Variants in ANXA2 observed in about 807,000 individuals in gnomAD.
The protein encoded by ANXA2 is annexin II.
Under a neutral mutation model 47.3 loss-of-function variants are expected in ANXA2, and 28 were observed. The ratio of observed to expected loss-of-function variants is 0.59; its 90% CI spans 0.44 to 0.81. The LOEUF (loss-of-function observed/expected upper bound fraction) is 0.81, where lower values mean the gene tolerates loss of function less well. Among genes scored for constraint, ANXA2 ranks in the 40% least tolerant of loss-of-function variants. The probability of loss-of-function intolerance (pLI) is 0.00; values close to 1 mark genes in which losing one functional copy is unlikely to be tolerated. For synonymous variants in ANXA2, 172 were observed against 155.5 expected (o/e 1.11, Z -0.79); for missense variants, 384 against 414.3 (o/e 0.93, Z 0.64).
At chr15:60,387,120 T>A (rs745531992) in intron 1 of ANXA2, 2 of 152,192 alleles carry the variant, frequency 1.3e-5, no homozygotes, top group Non-Finnish European at 2.9e-5. Context: ...TGCTAACTTA[T>A]AGGAACATTT....
At chr15:60,366,804 G>A (rs1268115876) in intron 3 of ANXA2, among the ~76,000 whole-genome samples, 1 of 40,012 alleles carries the variant, frequency 2.5e-5, no homozygotes, top group African/African-American at 9.0e-5. Flanking sequence ...GAGGGAGGCG[G>A]GGGGGGGGGG....
rs376011513 is a variant in ANXA2 at position 60,361,447 on chromosome 15, ACAGCC to A, written c.244-398_244-394del. On this transcript the variant is annotated intron_variant, in intron 4 of 12. Transcript: ENST00000451270. Reference sequence around the variant, plus strand: ...TGCTAAGAAGGAGATGTTTGAGCAGACAGCCTCCTGGCAAGCAGATCTTGTGGCCT... The same window carrying A: ...TGCTAAGAAGGAGATGTTTGAGCAGATCCTGGCAAGCAGATCTTGTGGCCT... 8.1e-3 allele frequency: 1,511 copies of A among 185,700 alleles called. 26 individuals carry two copies. The highest frequency in any genetic ancestry group is 0.033 in the African/African-American group (1,417 of 42,386). The allele number at this position is 185,700 out of a possible 1,614,324, so 11.5% of individuals were successfully genotyped here. A position where few individuals can be genotyped will look rare whatever the true frequency, so the allele number is the denominator to read the frequency against.
Position 60,368,719 on chromosome 15 carries a change from T to C in ANXA2, c.149-4196A>G, listed in dbSNP as rs538441949. ...GGATTATGTATAATCTTTCTTTTGA[T>C]TATCTGTACTTTCAAAGTTCACCAT... is the stretch of plus-strand genomic sequence containing the variant. On this transcript the variant is annotated intron_variant, in intron 3 of 12. Coordinates refer to ENST00000451270, the MANE Select transcript of ANXA2 (RefSeq NM_004039.3). Among the ~76,000 whole-genome samples, 6 of 152,242 alleles carry C rather than the reference T, an allele frequency of 3.9e-5. No homozygotes were observed. The South Asian group carries it at 1.2e-3, about 32-fold the overall frequency.
At position 60,351,706 on chromosome 15, in the gene ANXA2, G is replaced by A; in HGVS notation, c.778+18C>T. 1.3e-6 allele frequency: 2 copies of A among 1,520,150 alleles called. No homozygotes were observed. The highest frequency in any genetic ancestry group is 2.2e-5 in the South Asian group (2 of 89,086). The allele number at this position is 1,520,150 out of a possible 1,614,324, so 94.2% of individuals were successfully genotyped here. ...TGGTAGCTGATGTCTACCAGGAATGGGGGCCACATTCACTTACCCAGGTTC... is the reference window on the plus strand; with the variant it reads ...TGGTAGCTGATGTCTACCAGGAATGAGGGCCACATTCACTTACCCAGGTTC... On this transcript the variant is annotated intron_variant, in intron 10 of 12. Transcript: ENST00000451270.
At chr15:60,392,206 G>C (rs1221556549) in intron 1 of ANXA2, among the ~76,000 whole-genome samples, 1 of 152,164 alleles carries the variant, frequency 6.6e-6, no homozygotes, top group African/African-American at 2.4e-5. Flanking sequence ...AAATGAGACT[G>C]TGAATGCCTG....
intron 3 of ANXA2, among the ~76,000 whole-genome samples, chr15:60,381,924 C>A (rs1246694498): frequency 6.6e-6 from 1 of 151,854 alleles, no homozygotes; most frequent in Non-Finnish European, 1.5e-5. Flanking sequence ...AGATCCGGCT[C>A]CCAGACTGAT....
intron 3 of ANXA2, among the ~76,000 whole-genome samples, chr15:60,366,834 C>T (rs1595681243): frequency 9.1e-6 from 1 of 109,850 alleles, no homozygotes; most frequent in Non-Finnish European, 1.9e-5. Context: ...GCCGCCCCGT[C>T]CGGGAGGGAG....
chr15:60,385,878 C>A (rs941947433), intron 2 of ANXA2, 150 bp downstream of exon 2: 2 of 546,216 alleles, frequency 3.7e-6, no homozygotes, highest in African/African-American at 2.1e-5. Flanking sequence ...CTACTAGGAA[C>A]AGCTGAAGTA....
intron 3 of ANXA2, among the ~76,000 whole-genome samples, chr15:60,367,258 G>C (rs1208694043): frequency 3.1e-5 from 4 of 129,582 alleles, no homozygotes; most frequent in Non-Finnish European, 6.8e-5. Context: ...CCCCGTCCGG[G>C]AGGGAGGTGG....
Position 60,382,376 on chromosome 15 carries a change from A to G in ANXA2, c.114T>C (p.Asp38=). Residue 38 remains aspartate (D), a synonymous_variant, in exon 3 of 13, where the codon GAT becomes GAC. Transcript: ENST00000451270. ...KAYTNFDAER[D]ALNIETAIKT... ...TGATGGCTGTTTCAATGTTCAAAGC[A>G]TCCCGCTCAGCATCAAAGTTAGTAT... The G allele has an allele frequency of 1.2e-6, 2 of 1,614,038 alleles. No individual in the cohort carries two copies. The highest frequency in any genetic ancestry group is 1.7e-6 in the Non-Finnish European group (2 of 1,179,898).
At chr15:60,348,948 T>C (rs1218001195) in intron 12 of ANXA2, 127 bp downstream of exon 12, 1 of 1,047,012 alleles carries the variant, frequency 9.6e-7, no homozygotes, top group Admixed American at 2.2e-5. Flanking sequence ...AGTTGATGAC[T>C]AGCATCTCTT....
chr15:60,374,786 G>C (rs770698894), intron 3 of ANXA2: 35 of 438,984 alleles, frequency 8.0e-5, no homozygotes, highest in Middle Eastern at 7.7e-4. Flanking sequence ...CAGCACTGCT[G>C]TAAGATGAGA....
chr15:60,360,212 C>T (rs1566934619), intron 5 of ANXA2, among the ~76,000 whole-genome samples: 1 of 152,112 alleles, frequency 6.6e-6, no homozygotes, highest in South Asian at 2.1e-4. Context: ...ACTGAGATCG[C>T]GCCATTGCAC....
intron 1 of ANXA2, among the ~76,000 whole-genome samples, chr15:60,396,811 G>T (rs771666226): frequency 2.0e-5 from 3 of 152,146 alleles, no homozygotes; most frequent in South Asian, 2.1e-4. Context: ...ACAACTTAAG[G>T]TTCTTGGTAA....
intron 3 of ANXA2, among the ~76,000 whole-genome samples, chr15:60,375,160 A>T (rs1193672391): frequency 1.3e-5 from 2 of 152,142 alleles, no homozygotes; most frequent in African/African-American, 4.8e-5. Flanking sequence ...AAGCAGTTCT[A>T]TTTTAAAAGT....
chr15:60,364,312 C>T (rs777958286), intron 4 of ANXA2, 117 bp downstream of exon 4: 7 of 772,684 alleles, frequency 9.1e-6, no homozygotes, highest in African/African-American at 3.5e-5. Context: ...TCTTAGATAT[C>T]CAAGGGTCCC....
At chr15:60,360,125 G>A (rs892541187) in intron 5 of ANXA2, among the ~76,000 whole-genome samples, 6 of 152,258 alleles carry the variant, frequency 3.9e-5, no homozygotes, top group African/African-American at 7.2e-5. Flanking sequence ...GCGTAGTGGC[G>A]CATGCCTGTA....
At chr15:60,354,384 G>A (rs557144072) in intron 7 of ANXA2, among the ~76,000 whole-genome samples, 171 bp from the exon 8 acceptor site, 1 of 152,262 alleles carries the variant, frequency 6.6e-6, no homozygotes, top group East Asian at 1.9e-4. Flanking sequence ...GCTCACGCCT[G>A]TAATCCTAGG....
At chr15:60,388,312 A>G (rs1027676835) in intron 1 of ANXA2, among the ~76,000 whole-genome samples, 1 of 152,228 alleles carries the variant, frequency 6.6e-6, no homozygotes, top group Non-Finnish European at 1.5e-5. Context: ...GAGATGTGCT[A>G]TAAGTGTAAA....
Sources: gnomAD v4.1 joint callset for allele counts (sites outside exome capture counted in the v4.1 genomes callset) on GRCh38, gnomAD v4.1.1 for gene constraint, MANE v1.5 for transcripts, NCBI Gene and HGNC (gene_info 2026-07-23, HGNC 2026-07-21) for gene names.